The following PRKCQ variants were observed in gnomAD, a reference collection of about 807,000 sequenced individuals.
PRKCQ encodes protein kinase C theta.
A neutral mutation model predicts 91.2 loss-of-function variants in PRKCQ; 41 were observed. The ratio of observed to expected loss-of-function variants is 0.45; its 90% CI spans 0.35 to 0.58. PRKCQ has a LOEUF of 0.58. Among genes scored for constraint, PRKCQ ranks in the 20% least tolerant of loss-of-function variants. The pLI is 0.00. For missense variants in PRKCQ, 673 were observed against 896.5 expected (o/e 0.75, Z 3.18); for synonymous variants, 307 against 316.9 (o/e 0.97, Z 0.33).
chr10:6,500,525 A>T (rs867221124), intron 4 of PRKCQ, among the ~76,000 whole-genome samples: 3 of 151,724 alleles, frequency 2.0e-5, no homozygotes, highest in Non-Finnish European at 2.9e-5. Context: ...TAATTTTTTT[A>T]AAATATCAGG....
At chr10:6,402,056 A>C in the PRKCQ span, among the ~76,000 whole-genome samples, 2 of 152,156 alleles carry the variant, frequency 1.3e-5, no homozygotes, top group Non-Finnish European at 2.9e-5. Context: ...CAGACGCTGC[A>C]AAGAAGCTGG....
intron 1 of PRKCQ, among the ~76,000 whole-genome samples, chr10:6,546,212 T>C (rs1588407933): frequency 6.6e-6 from 1 of 152,284 alleles, no homozygotes; most frequent in South Asian, 2.1e-4. Context: ...TTATTTTTGT[T>C]ACCTGCCTCC....
rs7076499 is a variant in PRKCQ, at chr10:6,549,989, C to T, written c.-10+30222G>A. 4.1e-3 allele frequency among the ~76,000 whole-genome samples: 621 copies of T among 152,196 alleles called. 1 individual carries two copies. The highest frequency in any genetic ancestry group is 0.014 in the African/African-American group (586 of 41,538). ...AGTTCAGCAGTGTTCTGTATATTCA[C>T]ATTGTTGGGCATTCATCTCCAGAAC... On this transcript the variant is annotated intron_variant, in intron 1 of 17. Coordinates refer to ENST00000263125, the MANE Select transcript of PRKCQ (RefSeq NM_006257.5).
chr10:6,480,495 T>A (rs1388576538), intron 11 of PRKCQ, among the ~76,000 whole-genome samples: 1 of 152,242 alleles, frequency 6.6e-6, no homozygotes, highest in Non-Finnish European at 1.5e-5. Flanking sequence ...TTGGCAATGG[T>A]AAGGGCATGG....
chr10:6,465,920 C>G lies in PRKCQ; in HGVS notation c.1354-1516G>C, dbSNP rs1376371280. Reference sequence around the variant, plus strand: ...AGCTGACATAAATCATGACTTAACACAGATTTCAAACCCAATTTGAGAGTC... The same window carrying G: ...AGCTGACATAAATCATGACTTAACAGAGATTTCAAACCCAATTTGAGAGTC... On this transcript the variant is annotated intron_variant, in intron 12 of 17. Transcript: ENST00000263125. This position sits in a 1 kb window ranked among gnomAD's most constrained non-coding sequence, Gnocchi z 4.4. Among the ~76,000 whole-genome samples the G allele has an allele frequency of 6.6e-6, 1 of 152,246 alleles. No individual in the cohort carries two copies. Among genetic ancestry groups the G allele is most frequent in the Non-Finnish European group, 1.5e-5 (1 of 68,044 alleles).
At position 6,498,391 on chromosome 10, in the gene PRKCQ, T is replaced by C; in HGVS notation, c.542+5A>G. 1 of 1,613,988 alleles carries C rather than the reference T, an allele frequency of 6.2e-7. No homozygotes were observed. The highest frequency in any genetic ancestry group is 2.2e-5 in the East Asian group (1 of 44,882). ...AGCTTGGAGGGAGATGCCAAGTTAC[T>C]GTACCAGACAAACTCGTGGCAGACA... is the stretch of plus-strand genomic sequence containing the variant. On this transcript the variant is annotated splice_donor_5th_base_variant and intron_variant, in intron 5 of 17. Coordinates refer to ENST00000263125, the MANE Select transcript of PRKCQ (RefSeq NM_006257.5).
At chr10:6,543,890 G>T (rs1839859884) in intron 1 of PRKCQ, among the ~76,000 whole-genome samples, 1 of 152,166 alleles carries the variant, frequency 6.6e-6, no homozygotes, top group Non-Finnish European at 1.5e-5. Context: ...GCAGACAGTT[G>T]TCAGGACCGA....
At chr10:6,484,080 A>G (rs1488547585) in intron 10 of PRKCQ, among the ~76,000 whole-genome samples, 1 of 152,232 alleles carries the variant, frequency 6.6e-6, no homozygotes, top group Non-Finnish European at 1.5e-5. Context: ...ATTTTTAAAG[A>G]TCTGAACTGC....
At chr10:6,435,513 A>C (rs891321742) in intron 16 of PRKCQ, among the ~76,000 whole-genome samples, 3 of 152,190 alleles carry the variant, frequency 2.0e-5, no homozygotes, top group Admixed American at 2.0e-4. Flanking sequence ...TATCAGCCCA[A>C]CTGCAAGAAT....
chr10:6,464,130 T>C (rs1205360221), intron 13 of PRKCQ, among the ~76,000 whole-genome samples, 183 bp downstream of exon 13: 1 of 152,086 alleles, frequency 6.6e-6, no homozygotes, highest in African/African-American at 2.4e-5. Flanking sequence ...CACAGAGAAA[T>C]GAAACCAAAC....
chr10:6,483,346 C>A, intron 11 of PRKCQ, 94 bp downstream of exon 11: 1 of 1,505,422 alleles, frequency 6.6e-7, no homozygotes, highest in Non-Finnish European at 9.2e-7. Context: ...CACATGCAAT[C>A]CTAGTGGCCC....
At chr10:6,498,774 G>A (rs1837755474) in intron 4 of PRKCQ, among the ~76,000 whole-genome samples, 1 of 152,154 alleles carries the variant, frequency 6.6e-6, no homozygotes, top group Non-Finnish European at 1.5e-5. Flanking sequence ...TATTGTTAGA[G>A]GGTGAAAACA....
intron 8 of PRKCQ, among the ~76,000 whole-genome samples, chr10:6,488,299 A>G (rs1451787567): frequency 2.0e-5 from 3 of 152,204 alleles, no homozygotes; most frequent in Non-Finnish European, 4.4e-5. Context: ...AATTTGGGCA[A>G]CCCTCACCTG....
chr10:6,531,148 T>C (rs1172753539), intron 1 of PRKCQ, among the ~76,000 whole-genome samples: 1 of 151,192 alleles, frequency 6.6e-6, no homozygotes, highest in East Asian at 2.0e-4. Flanking sequence ...CCAGAGCTGC[T>C]GGGTGAGAAG....
chr10:6,543,043 G>A (rs1417366356), intron 1 of PRKCQ, among the ~76,000 whole-genome samples: 1 of 152,204 alleles, frequency 6.6e-6, no homozygotes, highest in East Asian at 1.9e-4. Flanking sequence ...AAAGTCACAG[G>A]CTGGGAAGTC....
At chr10:6,517,340 TG>T (rs1231320012) in intron 1 of PRKCQ, among the ~76,000 whole-genome samples, 9 of 17,678 alleles carry the variant, frequency 5.1e-4, no homozygotes, top group East Asian at 0.026. Context: ...GCAAGTTTTG[TG>T]TTTTTTTTTT....
chr10:6,434,946 GCT>G (rs1457161942), intron 16 of PRKCQ, among the ~76,000 whole-genome samples: 2 of 152,098 alleles, frequency 1.3e-5, no homozygotes, highest in Non-Finnish European at 2.9e-5. Context: ...ATGGAGTCTT[GCT>G]CTGTCACCCA....
chr10:6,480,865 T>G (rs182388662), intron 11 of PRKCQ, among the ~76,000 whole-genome samples: 1 of 152,262 alleles, frequency 6.6e-6, no homozygotes, highest in Non-Finnish European at 1.5e-5. Context: ...AGGGAAGGGA[T>G]GAAACTTAGA....
At chr10:6,425,712 TG>T (rs1199494058), downstream of PRKCQ, among the ~76,000 whole-genome samples, 6 of 152,244 alleles carry the variant, frequency 3.9e-5, no homozygotes, top group African/African-American at 1.4e-4. Flanking sequence ...CCCAGCACTT[TG>T]GTAGAGTGAG....
Sources: gnomAD v4.1 joint callset for allele counts (sites outside exome capture counted in the v4.1 genomes callset) on GRCh38, gnomAD v4.1.1 for gene constraint, Gnocchi (gnomAD v3.1) non-coding constraint, MANE v1.5 for transcripts, NCBI Gene and HGNC (gene_info 2026-07-23, HGNC 2026-07-21) for gene names.